Variants in ITPR1 observed in about 807,000 individuals in gnomAD.
The protein encoded by ITPR1 is inositol 1,4,5-trisphosphate-gated calcium channel ITPR1.
ITPR1 carries 96 observed loss-of-function variants against 318.4 expected under a neutral mutation model. That is an observed-to-expected ratio of 0.30 (90% CI 0.26 to 0.36). The LOEUF is 0.36. Ranked by LOEUF, ITPR1 falls within the 10% of genes least tolerant of loss-of-function variation. The pLI is 1.00. For synonymous variants in ITPR1, 1,312 were observed against 1,289.9 expected (o/e 1.02, Z -0.37); for missense variants, 2,440 against 3,460.2 (o/e 0.71, Z 7.40).
In ITPR1 at chr3:4,790,835, C is replaced by T. The variant is rs575281769; in HGVS notation, c.6808+2696C>T. 1.1e-3 allele frequency among the ~76,000 whole-genome samples: 170 copies of T among 152,348 alleles called. 1 individual carries two copies. Among genetic ancestry groups the T allele is most frequent in the Admixed American group, 3.1e-3 (48 of 15,308 alleles). On this transcript the variant is annotated intron_variant, in intron 52 of 61. Coordinates refer to ENST00000649015, the MANE Select transcript of ITPR1 (RefSeq NM_001378452.1). ...TGCTCTGAGCTTCATAAACTCTCTT[C>T]TCTGCTTTATTTACTCTAGAACACA...
At chr3:4,681,978 C>T (rs1056886994) in intron 26 of ITPR1, among the ~76,000 whole-genome samples, 9 of 152,234 alleles carry the variant, frequency 5.9e-5, no homozygotes, top group South Asian at 2.1e-4. Flanking sequence ...ACTCTTATAC[C>T]TCCAAGTATA....
intron 4 of ITPR1, among the ~76,000 whole-genome samples, chr3:4,578,494 G>A (rs1204445680): frequency 2.6e-5 from 4 of 152,102 alleles, no homozygotes; most frequent in African/African-American, 9.7e-5. Context: ...GTGTGTGTGT[G>A]TGTGCATATA....
chr3:4,526,957 AT>A (rs1387521751), intron 4 of ITPR1, among the ~76,000 whole-genome samples: 1 of 152,198 alleles, frequency 6.6e-6, no homozygotes, highest in African/African-American at 2.4e-5. Flanking sequence ...AGCAGGTGAA[AT>A]TTCTTCCTAC....
intron 4 of ITPR1, among the ~76,000 whole-genome samples, chr3:4,587,768 C>G (rs1369034935): frequency 6.6e-6 from 1 of 152,168 alleles, no homozygotes; most frequent in Non-Finnish European, 1.5e-5. Context: ...GAAACTGTCT[C>G]AATTTGGGAA....
At chr3:4,804,579 G>A (rs1352269634) in intron 54 of ITPR1, among the ~76,000 whole-genome samples, 1 of 152,194 alleles carries the variant, frequency 6.6e-6, no homozygotes, top group Admixed American at 6.5e-5. Context: ...CTCAGGTGAA[G>A]TGGATCACCC....
chr3:4,536,960 T>TCAAA (rs10686480), intron 4 of ITPR1, among the ~76,000 whole-genome samples: 67,941 of 151,616 alleles, frequency 0.45, 17,164 homozygotes, highest in African/African-American at 0.7. Context: ...TTTTTTGGGG[T>TCAAA]CAATCCCAGA....
At chr3:4,817,185 C>G (rs138071815) in intron 59 of ITPR1, among the ~76,000 whole-genome samples, 2 of 152,252 alleles carry the variant, frequency 1.3e-5, no homozygotes, top group East Asian at 1.9e-4. Flanking sequence ...TTTCCTGAGC[C>G]ATCCCTGGAA....
intron 30 of ITPR1, among the ~76,000 whole-genome samples, chr3:4,687,503 T>C (rs6805394): frequency 6.6e-6 from 1 of 152,128 alleles, no homozygotes; most frequent in Non-Finnish European, 1.5e-5. Flanking sequence ...TCAGGTTTGG[T>C]GACCTGCATT....
At chr3:4,675,902 T>A (rs1236433114) in intron 23 of ITPR1, among the ~76,000 whole-genome samples, 1 of 152,214 alleles carries the variant, frequency 6.6e-6, no homozygotes, top group Non-Finnish European at 1.5e-5. Flanking sequence ...GTTCTTTTGT[T>A]GAGCTCCTTT....
chr3:4,680,570 G>C lies in ITPR1; in HGVS notation c.2985G>C (p.Arg995Ser). Residue 995 changes from arginine (R) to serine (S), a missense_variant, in exon 25 of 62, where the codon AGG becomes AGC. Physicochemically the swap from Arg to Ser is moderately radical, Grantham distance 110. This residue lies in a region of ITPR1 where 57 missense variants were observed against 46.2 expected (regional missense o/e 1.23). Coordinates refer to ENST00000649015, the MANE Select transcript of ITPR1 (RefSeq NM_001378452.1). ...IEILQFILNVRLDYRISCLLC... is the reference protein window; with the variant it reads ...IEILQFILNVSLDYRISCLLC... ...ATCTTTAGTTTATTTTGAATGTGAG[G>C]TTGGATTATAGGATCTCCTGCCTCC... The C allele has an allele frequency of 6.2e-7, 1 of 1,613,206 alleles. No homozygotes were observed. The highest frequency in any genetic ancestry group is 8.5e-7 in the Non-Finnish European group (1 of 1,179,306).
At chr3:4,562,900 G>C (rs1030371058) in intron 4 of ITPR1, among the ~76,000 whole-genome samples, 15 of 119,876 alleles carry the variant, frequency 1.3e-4, no homozygotes, top group African/African-American at 4.7e-4. Context: ...ACATCAGAGT[G>C]ATAAACACTG....
intron 44 of ITPR1, among the ~76,000 whole-genome samples, chr3:4,762,663 C>A (rs750023077): frequency 2.5e-4 from 38 of 152,344 alleles, no homozygotes; most frequent in African/African-American, 7.9e-4. Flanking sequence ...AGAGGCTGGG[C>A]AGTGTGCCCA....
At chr3:4,597,931 A>G (rs998189646) in intron 4 of ITPR1, among the ~76,000 whole-genome samples, 13 of 152,200 alleles carry the variant, frequency 8.5e-5, no homozygotes, top group African/African-American at 2.7e-4. Flanking sequence ...CCCATGTACT[A>G]GGAGGCAGAT....
chr3:4,668,959 T>C (rs2094012969), intron 18 of ITPR1, among the ~76,000 whole-genome samples: 1 of 152,224 alleles, frequency 6.6e-6, no homozygotes, highest in Non-Finnish European at 1.5e-5. Context: ...CCCCTTCTCT[T>C]GTCCTTCTAA....
At chr3:4,757,777 G>A (rs868830035) in intron 44 of ITPR1, among the ~76,000 whole-genome samples, 2 of 152,190 alleles carry the variant, frequency 1.3e-5, no homozygotes, top group South Asian at 2.1e-4. Flanking sequence ...TTCAGTTGCC[G>A]TTCACTATAA....
chr3:4,791,374 C>G (rs968437352), intron 52 of ITPR1, among the ~76,000 whole-genome samples: 1 of 152,142 alleles, frequency 6.6e-6, no homozygotes, highest in African/African-American at 2.4e-5. Context: ...TGAAACTGTC[C>G]CACCTCAGAT....
chr3:4,682,603 G>A (rs2094321778), intron 26 of ITPR1, among the ~76,000 whole-genome samples: 1 of 152,146 alleles, frequency 6.6e-6, no homozygotes, highest in Admixed American at 6.6e-5. Flanking sequence ...ACTTAAACAT[G>A]GTATTGTGAG....
intron 4 of ITPR1, among the ~76,000 whole-genome samples, chr3:4,581,757 C>A (rs999136794): frequency 6.6e-6 from 1 of 152,278 alleles, no homozygotes; most frequent in African/African-American, 2.4e-5. Context: ...TGCCCAAGAA[C>A]TAGTTTTGCA....
At chr3:4,758,445 C>T (rs1461696708) in intron 44 of ITPR1, among the ~76,000 whole-genome samples, 2 of 152,202 alleles carry the variant, frequency 1.3e-5, no homozygotes, top group African/African-American at 4.8e-5. Flanking sequence ...GGGGCTCCTC[C>T]CCTAGAATGG....
Sources: allele counts gnomAD v4.1 joint callset (sites outside exome capture counted in the v4.1 genomes callset), GRCh38; gene constraint gnomAD v4.1.1; regional missense constraint gnomAD v4.1.1; transcripts MANE v1.5; gene names NCBI Gene and HGNC (gene_info 2026-07-23, HGNC 2026-07-21).